EYA2: variants seen among roughly 807,000 people sequenced by gnomAD.
EYA2 encodes protein phosphatase EYA2.
A neutral mutation model predicts 69.2 loss-of-function variants in EYA2; 31 were observed. The observed-to-expected ratio is 0.45, with a 90% CI of 0.34 to 0.60. The LOEUF (loss-of-function observed/expected upper bound fraction) is 0.60, where lower values mean the gene tolerates loss of function less well. Ranked by LOEUF, EYA2 falls within the 20% of genes least tolerant of loss-of-function variation. EYA2 has a pLI of 0.02. For synonymous variants in EYA2, 257 were observed against 279.4 expected, an observed-to-expected ratio of 0.92 and a Z score of 0.80; for missense variants, 622 against 701.2, an observed-to-expected ratio of 0.89 and a Z score of 1.28.
At chr20:47,118,596 C>T (rs2032966978) in intron 9 of EYA2, among the ~76,000 whole-genome samples, 3 of 152,068 alleles carry the variant, frequency 2.0e-5, no homozygotes, top group South Asian at 2.1e-4. Context: ...CAAGTACCCC[C>T]GCTTATGTAT....
intron 4 of EYA2, among the ~76,000 whole-genome samples, chr20:47,007,791 T>A (rs1982808873): frequency 6.6e-6 from 1 of 151,870 alleles, no homozygotes; most frequent in Admixed American, 6.6e-5. Context: ...AATTTTTTTT[T>A]ATTTTTTTGT....
rs74974502 is a variant in EYA2, at chr20:47,109,898, G to T, written c.888+12730G>T. Reference sequence around the variant, plus strand: ...GATGGCCCCACAATAAAGGATGATTGGGCCCTCCGGGTCCATAGTGCTGTG... The same window carrying T: ...GATGGCCCCACAATAAAGGATGATTTGGCCCTCCGGGTCCATAGTGCTGTG... On this transcript the variant is annotated intron_variant, in intron 9 of 15. Transcript: ENST00000327619. Among the ~76,000 whole-genome samples, 14 of 152,220 alleles carry T rather than the reference G, an allele frequency of 9.2e-5. No homozygotes were observed. In the East Asian group the frequency reaches 2.7e-3, roughly 29 times the overall value.
At chr20:46,907,241 A>G (rs1032530142) in intron 1 of EYA2, among the ~76,000 whole-genome samples, 13 of 152,264 alleles carry the variant, frequency 8.5e-5, no homozygotes, top group Admixed American at 8.5e-4. Flanking sequence ...AAAGAAGGGA[A>G]AACCGCCTGA....
At chr20:47,062,689 C>T (rs765178089) in intron 5 of EYA2, among the ~76,000 whole-genome samples, 59 of 152,230 alleles carry the variant, frequency 3.9e-4, no homozygotes, top group Non-Finnish European at 5.9e-4. Context: ...ATGGGAGGGC[C>T]GGGCCCAGCT....
At chr20:47,122,780 A>C (rs577727416) in intron 9 of EYA2, among the ~76,000 whole-genome samples, 1 of 152,302 alleles carries the variant, frequency 6.6e-6, no homozygotes, top group Admixed American at 6.5e-5. Flanking sequence ...TTATTGTAAC[A>C]GTCACACCCA....
chr20:46,939,403 G>A (rs1158766272), intron 1 of EYA2, among the ~76,000 whole-genome samples: 4 of 152,210 alleles, frequency 2.6e-5, no homozygotes, highest in Admixed American at 6.5e-5. Context: ...AGAGATGGGG[G>A]GAGGGGAGAC....
At chr20:47,114,966 T>G (rs1230310317) in intron 9 of EYA2, among the ~76,000 whole-genome samples, 1 of 152,274 alleles carries the variant, frequency 6.6e-6, no homozygotes, top group African/African-American at 2.4e-5. Flanking sequence ...CAGTTGCCTG[T>G]GCTGTGCTTA....
chr20:47,162,130 C>T (rs547443163), intron 10 of EYA2, among the ~76,000 whole-genome samples: 10 of 152,238 alleles, frequency 6.6e-5, no homozygotes, highest in Admixed American at 1.3e-4. Context: ...TGGCATTCTT[C>T]GTCTTCTGTC....
intron 1 of EYA2, among the ~76,000 whole-genome samples, chr20:46,900,698 A>T (rs969258290): frequency 3.9e-5 from 6 of 152,216 alleles, no homozygotes; most frequent in Non-Finnish European, 8.8e-5. Flanking sequence ...ATCTCACCTT[A>T]AAAACAGCAA....
chr20:47,051,817 G>A (rs184137580), intron 5 of EYA2, among the ~76,000 whole-genome samples: 1 of 152,064 alleles, frequency 6.6e-6, no homozygotes, highest in Non-Finnish European at 1.5e-5. Flanking sequence ...TCAGTGAAAC[G>A]ATTGAAAGGA....
intron 5 of EYA2, among the ~76,000 whole-genome samples, chr20:47,060,851 CT>C (rs35809050): frequency 0.025 from 3,104 of 125,610 alleles, 70 homozygotes; most frequent in African/African-American, 0.08. Context: ...CTCTCTCTCT[CT>C]TTTTTTTTTT....
chr20:46,963,693 A>T (rs1460567293), intron 1 of EYA2, among the ~76,000 whole-genome samples: 1 of 152,238 alleles, frequency 6.6e-6, no homozygotes. Context: ...ACACCTCCCA[A>T]GGTGGTTCTG....
chr20:47,025,415 C>A (rs1538914), intron 5 of EYA2, among the ~76,000 whole-genome samples: 100,208 of 152,088 alleles, frequency 0.66, 35,545 homozygotes, highest in Non-Finnish European at 0.8. Flanking sequence ...CAGATAACAT[C>A]CTATGCACAC....
intron 5 of EYA2, among the ~76,000 whole-genome samples, chr20:47,069,759 A>C (rs2031243114): frequency 6.6e-6 from 1 of 152,134 alleles, no homozygotes. Flanking sequence ...AAATTTTAAA[A>C]AATAATAAAA....
intron 8 of EYA2, among the ~76,000 whole-genome samples, chr20:47,092,040 T>C (rs1416757625): frequency 3.3e-5 from 5 of 152,056 alleles, no homozygotes; most frequent in Admixed American, 1.3e-4. Flanking sequence ...AGCCCTGAAG[T>C]TGGAAGCTAG....
intron 1 of EYA2, among the ~76,000 whole-genome samples, chr20:46,896,142 G>A (rs568754170): frequency 6.6e-6 from 1 of 152,288 alleles, no homozygotes; most frequent in South Asian, 2.1e-4. Context: ...AGCTGTTAGC[G>A]AGGGCGGAGG....
intron 5 of EYA2, among the ~76,000 whole-genome samples, chr20:47,026,259 C>T (rs547552954): frequency 1.3e-5 from 2 of 152,184 alleles, no homozygotes; most frequent in South Asian, 4.1e-4. Flanking sequence ...ATTCCTACTA[C>T]CAGAAAACAA....
At chr20:47,101,135 G>A (rs560655604) in intron 9 of EYA2, among the ~76,000 whole-genome samples, 2 of 151,902 alleles carry the variant, frequency 1.3e-5, no homozygotes, top group African/African-American at 4.8e-5. Flanking sequence ...GCCCAGGCTG[G>A]AGTGCAGTAG....
At chr20:47,132,241 C>G (rs2033360020) in intron 9 of EYA2, among the ~76,000 whole-genome samples, 1 of 152,142 alleles carries the variant, frequency 6.6e-6, no homozygotes, top group African/African-American at 2.4e-5. Context: ...AGCCACCATG[C>G]CCCCAGCGAG....
Sources: gnomAD v4.1 joint callset for allele counts (sites outside exome capture counted in the v4.1 genomes callset) on GRCh38, gnomAD v4.1.1 for gene constraint, MANE v1.5 for transcripts, NCBI Gene and HGNC (gene_info 2026-07-23, HGNC 2026-07-21) for gene names.